The following ARHGEF3 variants were observed in gnomAD, a reference collection of about 807,000 sequenced individuals.
ARHGEF3 encodes Rho guanine nucleotide exchange factor 3, also known as 59.8 kDA protein.
In ARHGEF3, 28 loss-of-function variants were observed where a neutral mutation model predicts 63.2. That is an observed-to-expected ratio of 0.44 (90% CI 0.33 to 0.61). The LOEUF (loss-of-function observed/expected upper bound fraction) is 0.61, where lower values mean the gene tolerates loss of function less well. ARHGEF3 is among the 20% of genes least tolerant of loss of function. The pLI is 0.03. For synonymous variants in ARHGEF3, 266 were observed against 254.2 expected (o/e 1.05, Z -0.44); for missense variants, 533 against 659.3 (o/e 0.81, Z 2.10).
Position 56,728,280 on chromosome 3 carries a change from C to T in ARHGEF3, c.*990G>A, listed in dbSNP as rs2032859458. 1.3e-5 allele frequency: 2 copies of T among 152,652 alleles called. No homozygotes were observed. Among genetic ancestry groups the T allele is most frequent in the South Asian group, 4.1e-4 (2 of 4,830 alleles). 9.5% of individuals were successfully genotyped at this position (152,652 alleles called of 1,614,324 possible). On this transcript the variant is annotated 3_prime_UTR_variant, in exon 10 of 10. Coordinates refer to ENST00000296315, the MANE Select transcript of ARHGEF3 (RefSeq NM_019555.3). ...TGGCCTTTCTCAGAAGGCACTGGAC[C>T]ATGCTTTTCTCTCAATGGCTCCCAC...
chr3:56,867,229 G>A (rs1199945329), intron 4 of ARHGEF3, among the ~76,000 whole-genome samples: 6 of 152,120 alleles, frequency 3.9e-5, no homozygotes, highest in African/African-American at 1.4e-4. Context: ...GAACAACCAA[G>A]TAGCCACTCA....
intron 2 of ARHGEF3, among the ~76,000 whole-genome samples, chr3:56,992,862 C>T (rs1303706748): frequency 6.6e-6 from 1 of 152,176 alleles, no homozygotes; most frequent in African/African-American, 2.4e-5. Context: ...GAGATGGAGA[C>T]TCACTCTGTT....
intron 3 of ARHGEF3, chr3:56,882,404 C>CTTTGATTA: frequency 1.3e-6 from 2 of 1,502,698 alleles, no homozygotes; most frequent in Non-Finnish European, 1.8e-6. Context: ...GGGGTTATGG[C>CTTTGATTA]TTTGATTAAG....
intron 3 of ARHGEF3, among the ~76,000 whole-genome samples, chr3:56,934,828 C>T (rs1428481616): frequency 6.6e-6 from 1 of 152,254 alleles, no homozygotes; most frequent in Non-Finnish European, 1.5e-5. Context: ...TCCCATCGAC[C>T]ACCCAAGGGC....
chr3:56,975,284 GGT>G (rs1420343004), intron 2 of ARHGEF3, among the ~76,000 whole-genome samples: 4 of 152,082 alleles, frequency 2.6e-5, no homozygotes, highest in African/African-American at 9.7e-5. Context: ...CGAGCGTGGT[GGT>G]GCTCACCTGT....
At chr3:56,966,159 C>T (rs919244254) in intron 2 of ARHGEF3, among the ~76,000 whole-genome samples, 3 of 152,182 alleles carry the variant, frequency 2.0e-5, no homozygotes, top group African/African-American at 4.8e-5. Context: ...CTATTTCAAC[C>T]GGAGAGGAAT....
chr3:56,737,767 T>C (rs2033727838), intron 7 of ARHGEF3, among the ~76,000 whole-genome samples: 1 of 152,192 alleles, frequency 6.6e-6, no homozygotes, highest in East Asian at 1.9e-4. Context: ...AGAGGGACTG[T>C]CTTTGAGGAT....
intron 3 of ARHGEF3, among the ~76,000 whole-genome samples, chr3:56,884,305 T>C (rs894124384): frequency 6.6e-6 from 1 of 152,086 alleles, no homozygotes; most frequent in Non-Finnish European, 1.5e-5. Flanking sequence ...GGGAGGACTG[T>C]GAGGGAGGTC....
intron 6 of ARHGEF3, among the ~76,000 whole-genome samples, chr3:56,750,767 T>TATTTTGATACGAAACTAGTAATAGTTTC (rs2034691778): frequency 6.6e-6 from 1 of 151,712 alleles, no homozygotes; most frequent in African/African-American, 2.4e-5. Context: ...TAACTAGTTT[T>TATTTTGATACGAAACTAGTAATAGTTTC]ATTTTGATAC....
At chr3:56,850,687 ATT>A (rs1173546037) in intron 4 of ARHGEF3, among the ~76,000 whole-genome samples, 1 of 152,212 alleles carries the variant, frequency 6.6e-6, no homozygotes, top group Non-Finnish European at 1.5e-5. Context: ...TTTGACAACT[ATT>A]TATATACCTG....
chr3:56,793,323 C>T (rs2037184838), intron 1 of ARHGEF3, among the ~76,000 whole-genome samples: 1 of 152,228 alleles, frequency 6.6e-6, no homozygotes, highest in Non-Finnish European at 1.5e-5. Flanking sequence ...GTGCCCGCCA[C>T]CGCGCCCGGC....
chr3:56,909,135 A>G (rs891266896), intron 3 of ARHGEF3, among the ~76,000 whole-genome samples: 2 of 152,232 alleles, frequency 1.3e-5, no homozygotes, highest in Non-Finnish European at 2.9e-5. Context: ...GGGAGAATGG[A>G]TGGAGTGAAA....
chr3:56,934,078 T>G (rs2042483623), intron 3 of ARHGEF3, among the ~76,000 whole-genome samples: 2 of 152,202 alleles, frequency 1.3e-5, no homozygotes, highest in African/African-American at 2.4e-5. Context: ...TGTGAGTCAG[T>G]TAAACCTCTT....
intron 3 of ARHGEF3, among the ~76,000 whole-genome samples, chr3:56,888,999 A>T (rs1423611598): frequency 6.6e-6 from 1 of 152,154 alleles, no homozygotes; most frequent in Non-Finnish European, 1.5e-5. Flanking sequence ...TTCCAATGGG[A>T]GGTCTCATGG....
At chr3:56,845,903 A>G (rs2039473004) in intron 4 of ARHGEF3, among the ~76,000 whole-genome samples, 1 of 152,228 alleles carries the variant, frequency 6.6e-6, no homozygotes, top group Non-Finnish European at 1.5e-5. Context: ...CAAAGACTGC[A>G]TCTCATTCAT....
chr3:56,736,711 T>A lies in ARHGEF3; in HGVS notation c.1041+474A>T, dbSNP rs367714659. Among the ~76,000 whole-genome samples, 14 of 152,344 alleles carry A rather than the reference T, an allele frequency of 9.2e-5. No individual in the cohort carries two copies. The South Asian group carries it at 2.9e-3, about 32-fold the overall frequency. ...ATTCTTTCTGAATAGGTACTGATCCTTAACATTACAAAATATGAATGAATA... is the reference window on the plus strand; with the variant it reads ...ATTCTTTCTGAATAGGTACTGATCCATAACATTACAAAATATGAATGAATA... On this transcript the variant is annotated intron_variant, in intron 8 of 9. Coordinates refer to ENST00000296315, the MANE Select transcript of ARHGEF3 (RefSeq NM_019555.3).
At position 56,751,137 on chromosome 3, in the gene ARHGEF3, C is replaced by A. The variant is rs1221913148; in HGVS notation, c.536-5G>T. 1.9e-6 allele frequency: 3 copies of A among 1,613,624 alleles called. No individual in the cohort carries two copies. The Admixed American group carries it at 5.0e-5, about 27-fold the overall frequency. ...CTCGAAGCTGACTAAGGAGCTCTGGCAAAAAACAAACAGATGCTTATTTGT... is the reference window on the plus strand; with the variant it reads ...CTCGAAGCTGACTAAGGAGCTCTGGAAAAAAACAAACAGATGCTTATTTGT... On this transcript the variant is annotated splice_polypyrimidine_tract_variant and splice_region_variant and intron_variant, in intron 5 of 9. Transcript: ENST00000296315.
At position 56,826,257 on chromosome 3, in the gene ARHGEF3, C is replaced by T. The variant is rs77573421; in HGVS notation, c.193-52441G>A. ...CTGTTACATAAGCATGACACCTGGT[C>T]TTTTCTGTTACCTAAACATAAATTC... is the stretch of plus-strand genomic sequence containing the variant. On this transcript the variant is annotated intron_variant, in intron 4 of 12. Coordinates refer to the ARHGEF3 transcript ENST00000338458. Among the ~76,000 whole-genome samples the T allele has an allele frequency of 3.8e-3, 572 of 152,292 alleles. 4 individuals carry two copies. Among genetic ancestry groups the T allele is most frequent in the African/African-American group, 0.013 (545 of 41,546 alleles).
chr3:57,040,821 C>A (rs1242354811), intron 1 of ARHGEF3, among the ~76,000 whole-genome samples: 1 of 152,080 alleles, frequency 6.6e-6, no homozygotes, highest in African/African-American at 2.4e-5. Flanking sequence ...ACACCCACAC[C>A]ACCCTGCCAA....
Sources: gnomAD v4.1 joint callset for allele counts (sites outside exome capture counted in the v4.1 genomes callset) on GRCh38, gnomAD v4.1.1 for gene constraint, MANE v1.5 for transcripts, NCBI Gene and HGNC (gene_info 2026-07-23, HGNC 2026-07-21) for gene names.